The following KIF4A variants were observed in gnomAD, a reference collection of about 807,000 sequenced individuals.
KIF4A encodes kinesin family member 4A.
KIF4A carries 7 observed loss-of-function variants against 105.9 expected under a neutral mutation model. The observed-to-expected ratio is 0.07, with a 90% CI of 0.04 to 0.12. The LOEUF (loss-of-function observed/expected upper bound fraction) is 0.12, where lower values mean the gene tolerates loss of function less well. Among genes scored for constraint, KIF4A ranks in the 10% least tolerant of loss-of-function variants. KIF4A has a pLI of 1.00. For missense variants in KIF4A, 558 were observed against 929.2 expected (o/e 0.60, Z 5.19); for synonymous variants, 281 against 331.3 (o/e 0.85, Z 1.65).
In KIF4A at chrX:70,404,762, G is replaced by A. The variant is rs1309009646; in HGVS notation, c.2838G>A (p.Lys946=). ...SQLQQSQMAE[K]QLEESVSEKE... ...TGCAGCAAAGCCAAATGGCAGAGAA[G>A]CAGTTAGAGGAATCAGTCAGTGAAA... The change falls in exon 25 of 31, where the codon AAG becomes AAA. Residue 946 remains lysine, a synonymous_variant. Coordinates refer to ENST00000374403, the MANE Select transcript of KIF4A (RefSeq NM_012310.5). 1 of 1,209,280 alleles carries A rather than the reference G, an allele frequency of 8.3e-7. No individual in the cohort carries two copies. Among genetic ancestry groups the A allele is most frequent in the Admixed American group, 2.2e-5 (1 of 45,863 alleles).
chrX:70,362,977 C>T (rs999391519), intron 15 of KIF4A, among the ~76,000 whole-genome samples: 1 of 111,071 alleles, frequency 9.0e-6, no homozygotes, highest in Non-Finnish European at 1.9e-5. Context: ...GGCTGGAGTG[C>T]AGTGGCATGA....
At chrX:70,419,352 A>G (rs1432716513) in intron 29 of KIF4A, among the ~76,000 whole-genome samples, 1 of 111,993 alleles carries the variant, frequency 8.9e-6, no homozygotes, top group Non-Finnish European at 1.9e-5. Flanking sequence ...AGATATTGCA[A>G]ATTGTAGAGA....
At chrX:70,414,626 T>G (rs755164411) in intron 28 of KIF4A, among the ~76,000 whole-genome samples, 2 of 112,166 alleles carry the variant, frequency 1.8e-5, no homozygotes, top group East Asian at 5.6e-4. Context: ...CATTTAACTT[T>G]GAGAGGATTT....
At chrX:70,330,132 G>A (rs368972946) in intron 8 of KIF4A, 25 bp from the exon 9 acceptor site, 13 of 1,135,136 alleles carry the variant, frequency 1.1e-5, no homozygotes, top group African/African-American at 7.3e-5. Flanking sequence ...ATTTCCTTTC[G>A]TTATTCTTTA....
At chrX:70,295,874 G>A (rs1007553359) in intron 3 of KIF4A, among the ~76,000 whole-genome samples, 3 of 104,166 alleles carry the variant, frequency 2.9e-5, no homozygotes, top group Non-Finnish European at 3.9e-5. Context: ...CCGAGATCGC[G>A]CCACTGCACT....
chrX:70,315,652 A>AC (rs2085866560), intron 7 of KIF4A, among the ~76,000 whole-genome samples: 1 of 111,802 alleles, frequency 8.9e-6, no homozygotes, highest in Admixed American at 9.5e-5. Flanking sequence ...TGGGAAAAGC[A>AC]CAGTGGTTTC....
chrX:70,306,032 C>A (rs927530506), intron 7 of KIF4A, among the ~76,000 whole-genome samples: 7 of 111,791 alleles, frequency 6.3e-5, no homozygotes, highest in Non-Finnish European at 1.1e-4. Context: ...GAAGAATGTC[C>A]TTTCATATCA....
intron 15 of KIF4A, among the ~76,000 whole-genome samples, chrX:70,368,573 G>C (rs1318712590): frequency 8.9e-6 from 1 of 111,951 alleles, no homozygotes; most frequent in Non-Finnish European, 1.9e-5. Context: ...GGATATTGGT[G>C]GACACCAAAT....
intron 18 of KIF4A, among the ~76,000 whole-genome samples, chrX:70,381,412 C>T (rs182135366): frequency 9.0e-6 from 1 of 110,791 alleles, no homozygotes; most frequent in Admixed American, 9.7e-5. Flanking sequence ...TGACAGGCAC[C>T]TGTAATCGCA....
intron 15 of KIF4A, among the ~76,000 whole-genome samples, chrX:70,364,580 G>T (rs953509532): frequency 9.2e-6 from 1 of 108,281 alleles, no homozygotes; most frequent in African/African-American, 3.4e-5. Flanking sequence ...TGAGGGCTCT[G>T]TTCTGTTCCA....
intron 10 of KIF4A, among the ~76,000 whole-genome samples, chrX:70,336,591 G>A (rs1430194459): frequency 9.0e-6 from 1 of 111,024 alleles, no homozygotes; most frequent in Non-Finnish European, 1.9e-5. Context: ...GTTTTACTTT[G>A]TATTTCTCGT....
At chrX:70,406,201 C>A in intron 26 of KIF4A, 58 bp from the exon 27 acceptor site, 1 of 978,631 alleles carries the variant, frequency 1.0e-6, no homozygotes, top group Non-Finnish European at 1.5e-6. Context: ...CTGTTTTAGC[C>A]ATGAACACTC....
intron 3 of KIF4A, among the ~76,000 whole-genome samples, chrX:70,293,437 C>T (rs1369353395): frequency 2.7e-5 from 3 of 111,900 alleles, no homozygotes; most frequent in Admixed American, 9.5e-5. Flanking sequence ...TTTGTAGTTC[C>T]TTTTAGGTGC....
At chrX:70,302,146 T>C (rs2085806840) in intron 6 of KIF4A, 80 bp downstream of exon 6, 4 of 1,121,150 alleles carry the variant, frequency 3.6e-6, no homozygotes, top group East Asian at 6.1e-5. Context: ...TTCAATTGAT[T>C]TGACAAATCA....
rs1194617946 is a variant in KIF4A at position 70,406,156 on chromosome X, T to C, written c.2977-103T>C. 1.4e-5 allele frequency: 9 copies of C among 655,426 alleles called. No individual in the cohort carries two copies. In the Admixed American group the frequency reaches 1.6e-4, roughly 12 times the overall value. The allele number at this position is 655,426 out of a possible 1,213,427, so 54.0% of individuals were successfully genotyped here. ...CTACTATAATCCTGCATCACTTTAC[T>C]ATGGTTTAACGTTAAGCTAGCCTAG... On this transcript the variant is annotated intron_variant, in intron 26 of 30. Transcript: ENST00000374403.
chrX:70,323,810 A>ATATTTATTTATT lies in KIF4A; in HGVS notation c.779-5565_779-5554dup, dbSNP rs34799069. Reference sequence around the variant, plus strand: ...CTTACATATCATTAACTGGCATTTAATATTTATTTATTTATTTATTTATTT... The same window carrying ATATTTATTTATT: ...CTTACATATCATTAACTGGCATTTAATATTTATTTATTTATTTATTTATTTATTTATTTATTT... On this transcript the variant is annotated intron_variant, in intron 7 of 30. Transcript: ENST00000374403. 9.0e-3 allele frequency among the ~76,000 whole-genome samples: 851 copies of ATATTTATTTATT among 94,605 alleles called. 3 individuals are homozygous for ATATTTATTTATT. The highest frequency in any genetic ancestry group is 0.031 in the South Asian group (56 of 1,814). The allele number at this position is 94,605 out of a possible 115,157, so 82.2% of individuals were successfully genotyped here.
chrX:70,299,329 C>T, intron 5 of KIF4A, 127 bp downstream of exon 5: 1 of 461,191 alleles, frequency 2.2e-6, no homozygotes, highest in East Asian at 4.1e-5. Context: ...TTTCTGTGGT[C>T]CTAAGTCCCT....
intron 8 of KIF4A, 149 bp downstream of exon 8, chrX:70,329,670 C>T (rs2085923204): frequency 1.1e-5 from 5 of 454,266 alleles, no homozygotes; most frequent in Non-Finnish European, 1.1e-5. Context: ...TGTTGGCAAG[C>T]AGGTTTCTAA....
At chrX:70,373,989 C>T (rs1004199855) in intron 15 of KIF4A, among the ~76,000 whole-genome samples, 162 bp from the exon 16 acceptor site, 1 of 106,551 alleles carries the variant, frequency 9.4e-6, no homozygotes, top group Non-Finnish European at 1.9e-5. Flanking sequence ...ACATTTCCTA[C>T]TACATAATTT....
Sources: allele counts gnomAD v4.1 joint callset (sites outside exome capture counted in the v4.1 genomes callset), GRCh38; gene constraint gnomAD v4.1.1; transcripts MANE v1.5; gene names NCBI Gene and HGNC (gene_info 2026-07-23, HGNC 2026-07-21).